Variants in LYST observed in about 807,000 individuals in gnomAD.
LYST encodes lysosomal-trafficking regulator.
Under a neutral mutation model 413.6 loss-of-function variants are expected in LYST, and 192 were observed. That is an observed-to-expected ratio of 0.46 (90% CI 0.41 to 0.52). The LOEUF (loss-of-function observed/expected upper bound fraction) is 0.52, where lower values mean the gene tolerates loss of function less well. Ranked by LOEUF, LYST falls within the 20% of genes least tolerant of loss-of-function variation. The probability of loss-of-function intolerance (pLI) is 0.00; values close to 1 mark genes in which losing one functional copy is unlikely to be tolerated. For synonymous variants in LYST, 1,525 were observed against 1,567.3 expected (o/e 0.97, Z 0.64); for missense variants, 3,815 against 4,499.9 (o/e 0.85, Z 4.35).
At chr1:235,859,088 G>A (rs1483441660) in intron 1 of LYST, among the ~76,000 whole-genome samples, 1 of 151,992 alleles carries the variant, frequency 6.6e-6, no homozygotes, top group African/African-American at 2.4e-5. Flanking sequence ...AGATAATCTT[G>A]CTTCACAGAG....
Position 235,828,654 on chromosome 1 carries a change from T to TTA in LYST, c.192+1571_192+1572insTA, listed in dbSNP as rs1675597407. The TTA allele has an allele frequency of 1.1e-5, 5 of 448,414 alleles. No homozygotes were observed. In the South Asian group the frequency reaches 3.8e-4, roughly 34 times the overall value. The allele number at this position is 448,414 out of a possible 1,614,324, so 27.8% of individuals were successfully genotyped here. A position where few individuals can be genotyped will look rare whatever the true frequency, so the allele number is the denominator to read the frequency against. On this transcript the variant is annotated intron_variant, in intron 3 of 52. Coordinates refer to ENST00000389793, the MANE Select transcript of LYST (RefSeq NM_000081.4). The stretch of plus-strand genomic sequence containing the variant: ...TACTGTACATATTTTATTAGAGTCA[T>TTA]TCCTCGATATTTACTATTACTGATG...
intron 50 of LYST, among the ~76,000 whole-genome samples, chr1:235,667,546 C>T (rs1343025966): frequency 6.6e-6 from 1 of 152,186 alleles, no homozygotes; most frequent in Non-Finnish European, 1.5e-5. Flanking sequence ...ATAGTTGTCC[C>T]TAGGTATCTG....
rs951453592 is a variant in LYST, at chr1:235,802,846, C to G, written c.3712+62G>C. On this transcript the variant is annotated intron_variant, in intron 8 of 52. Transcript: ENST00000389793. ...ATTCTAAAGTGGTATTATTATGAAC[C>G]ATTTTGCTATTTAATGATCTGGCTT... The G allele has an allele frequency of 2.2e-5, 33 of 1,498,124 alleles. 1 individual carries two copies. The Admixed American group carries it at 5.5e-4, about 25-fold the overall frequency. The allele number at this position is 1,498,124 out of a possible 1,614,324, so 92.8% of individuals were successfully genotyped here. A position where few individuals can be genotyped will look rare whatever the true frequency, so the allele number is the denominator to read the frequency against.
chr1:235,720,092 T>A (rs1663218922), intron 40 of LYST, among the ~76,000 whole-genome samples: 1 of 146,268 alleles, frequency 6.8e-6, no homozygotes, highest in Non-Finnish European at 1.5e-5. Context: ...GGAGAATCGC[T>A]TGAACCCGGG....
intron 31 of LYST, chr1:235,737,957 G>GTATCA: frequency 7.9e-7 from 1 of 1,273,644 alleles, no homozygotes; most frequent in Non-Finnish European, 1.0e-6. Flanking sequence ...CCCGCCGGAC[G>GTATCA]TGCATTCTCG....
chr1:235,727,277 A>G (rs1663971924), intron 38 of LYST, among the ~76,000 whole-genome samples: 1 of 151,174 alleles, frequency 6.6e-6, no homozygotes. Flanking sequence ...CGCCACCACC[A>G]CAACTGGCTA....
At chr1:235,797,687 C>T (rs140257372) in intron 10 of LYST, among the ~76,000 whole-genome samples, 7 of 151,980 alleles carry the variant, frequency 4.6e-5, no homozygotes, top group African/African-American at 1.5e-4. Context: ...ATAAAACTTA[C>T]GGGGAACATT....
rs767527570 is a variant in LYST at position 235,812,955 on chromosome 1, A to C, written c.283+16T>G. ...TTTTGATAACACAAGTGATATGATA[A>C]AGGGAAAAAGCATACCTGTTGCCTT... On this transcript the variant is annotated intron_variant, in intron 4 of 52. Transcript: ENST00000389793. The C allele has an allele frequency of 4.6e-6, 7 of 1,534,774 alleles. No individual in the cohort carries two copies. Among genetic ancestry groups the C allele is most frequent in the Non-Finnish European group, 6.3e-6 (7 of 1,108,274 alleles).
intron 13 of LYST, 145 bp downstream of exon 13, chr1:235,788,556 A>T: frequency 1.4e-6 from 1 of 724,152 alleles, no homozygotes; most frequent in African/African-American, 1.8e-5. Context: ...AAGTGGTATT[A>T]ATAGCTGTTA....
intron 28 of LYST, among the ~76,000 whole-genome samples, chr1:235,750,982 A>C (rs1184107563): frequency 6.6e-6 from 1 of 152,142 alleles, no homozygotes; most frequent in Non-Finnish European, 1.5e-5. Flanking sequence ...TCATCATTGT[A>C]TCTCCAATAT....
chr1:235,862,419 T>A (rs1679981380), intron 1 of LYST, among the ~76,000 whole-genome samples: 1 of 152,204 alleles, frequency 6.6e-6, no homozygotes, highest in Admixed American at 6.5e-5. Flanking sequence ...CTGAGTAGCA[T>A]GATGAAATCT....
At chr1:235,841,613 G>T (rs1167252776) in intron 1 of LYST, among the ~76,000 whole-genome samples, 1 of 152,188 alleles carries the variant, frequency 6.6e-6, no homozygotes. Flanking sequence ...GAAGACAGGG[G>T]CAAGAGAACG....
upstream of LYST, among the ~76,000 whole-genome samples, chr1:235,870,317 C>T (rs1032552527): frequency 4.6e-5 from 7 of 152,182 alleles, no homozygotes; most frequent in African/African-American, 1.7e-4. Context: ...TAGCCCACAC[C>T]TGTGTCAATC....
intron 30 of LYST, among the ~76,000 whole-genome samples, chr1:235,742,570 T>TTATATA (rs35428246): frequency 1.6e-4 from 24 of 146,950 alleles, no homozygotes; most frequent in African/African-American, 4.5e-4. Flanking sequence ...AAATTTTATG[T>TTATATA]TATATATATA....
rs1263988882 is a variant in LYST at position 235,774,971 on chromosome 1, G to T, written c.5576C>A (p.Ser1859Tyr). The stretch of plus-strand genomic sequence containing the variant: ...TTTGATCAACACCTGATGAATCATA[G>T]AAAGTCCATTACAATTTTCTAATTC... ...VHELENCNGLSMIHQVLIKQK... is the reference protein window; with the variant it reads ...VHELENCNGLYMIHQVLIKQK... Residue 1859 changes from serine to tyrosine, a missense_variant, in exon 18 of 53, where the codon TCT becomes TAT. Transcript: ENST00000389793. The T allele has an allele frequency of 1.2e-6, 2 of 1,610,362 alleles. No individual in the cohort carries two copies. Among genetic ancestry groups the T allele is most frequent in the Non-Finnish European group, 1.7e-6 (2 of 1,177,990 alleles).
rs547332721 is a variant in LYST at position 235,679,888 on chromosome 1, T to C, written c.10801-2269A>G. Reference sequence around the variant, plus strand: ...CAAGGACAGTGTCAGTGTTTCAGGATTGATAGTGTCCTCAGGGCTAAAGCT... The same window carrying C: ...CAAGGACAGTGTCAGTGTTTCAGGACTGATAGTGTCCTCAGGGCTAAAGCT... On this transcript the variant is annotated intron_variant, in intron 48 of 52. Transcript: ENST00000389793. Among the ~76,000 whole-genome samples, 8 of 152,224 alleles carry C rather than the reference T, an allele frequency of 5.3e-5. No homozygotes were observed. The East Asian group carries it at 7.7e-4, about 15-fold the overall frequency.
chr1:235,733,624 C>T lies in LYST; in HGVS notation c.8680G>A (p.Val2894Met), dbSNP rs1448351305. ...CTCTCATTTCCTTGGGAGAGAGACACTGCCTGGGTGATATCTGCAGCTATT... is the reference window on the plus strand; with the variant it reads ...CTCTCATTTCCTTGGGAGAGAGACATTGCCTGGGTGATATCTGCAGCTATT... ...SKIAADITQA[V>M]SLSQGNERKK... The change falls in exon 34 of 53, where the codon GTG (valine) becomes ATG (methionine). Residue 2894 changes from valine to methionine, a missense_variant. Physicochemically the swap from Val to Met is conservative, Grantham distance 21. Coordinates refer to ENST00000389793, the MANE Select transcript of LYST (RefSeq NM_000081.4). 3.7e-6 allele frequency: 6 copies of T among 1,613,404 alleles called. No individual in the cohort carries two copies. The highest frequency in any genetic ancestry group is 1.7e-5 in the Admixed American group (1 of 59,996).
chr1:235,700,907 A>G (rs78462768), intron 45 of LYST, among the ~76,000 whole-genome samples: 1,995 of 152,320 alleles, frequency 0.013, 48 homozygotes, highest in African/African-American at 0.045. Flanking sequence ...ACAAATAAAT[A>G]AACAAATACA....
chr1:235,715,310 C>T lies in LYST; in HGVS notation c.9675G>A (p.Met3225Ile). The T allele has an allele frequency of 6.2e-7, 1 of 1,614,016 alleles. No homozygotes were observed. The highest frequency in any genetic ancestry group is 8.5e-7 in the Non-Finnish European group (1 of 1,179,962). ...YRKGAREDDP[M>I]PPVQPYHYGS... ...CATAGTGATAGGGCTGCACGGGAGG[C>T]ATGGGGTCATCTTCTCTGGCTCCTT... The change falls in exon 42 of 53, where the codon ATG (methionine) becomes ATA (isoleucine). Residue 3225 changes from methionine to isoleucine, a missense_variant. By Grantham distance (10) the Met-to-Ile change is conservative. Around this residue, in one of 4 missense-constraint regions of LYST, gnomAD observed 866 missense variants for 1,156.0 expected, o/e 0.75. Coordinates refer to ENST00000389793, the MANE Select transcript of LYST (RefSeq NM_000081.4).
Sources: gnomAD v4.1 joint callset for allele counts (sites outside exome capture counted in the v4.1 genomes callset) on GRCh38, gnomAD v4.1.1 for gene constraint, gnomAD v4.1.1 regional missense constraint, MANE v1.5 for transcripts, NCBI Gene and HGNC (gene_info 2026-07-23, HGNC 2026-07-21) for gene names.